Variants in ADAM10 observed in about 807,000 individuals in gnomAD.
The protein encoded by ADAM10 is disintegrin and metalloproteinase domain-containing protein 10.
ADAM10 carries 17 observed loss-of-function variants against 90.1 expected under a neutral mutation model. That is an observed-to-expected ratio of 0.19 (90% CI 0.13 to 0.28). The LOEUF (loss-of-function observed/expected upper bound fraction) is 0.28. Ranked by LOEUF, ADAM10 falls within the 10% of genes least tolerant of loss-of-function variation. The probability of loss-of-function intolerance (pLI) is 1.00; values close to 1 mark genes in which losing one functional copy is unlikely to be tolerated. For missense variants in ADAM10, 610 were observed against 914.3 expected (o/e 0.67, Z 4.29); for synonymous variants, 310 against 298.6 (o/e 1.04, Z -0.40).
chr15:58,632,764 T>C (rs1375404703), intron 9 of ADAM10, among the ~76,000 whole-genome samples: 1 of 152,212 alleles, frequency 6.6e-6, no homozygotes, highest in African/African-American at 2.4e-5. Flanking sequence ...AGAAAAGATT[T>C]TAAAATATCA....
chr15:58,639,380 T>A (rs374681769), intron 8 of ADAM10, among the ~76,000 whole-genome samples: 4 of 152,334 alleles, frequency 2.6e-5, no homozygotes, highest in South Asian at 2.1e-4. Flanking sequence ...TATTAATGGA[T>A]AATATACAAA....
At chr15:58,644,383 C>G (rs1896496190) in intron 6 of ADAM10, among the ~76,000 whole-genome samples, 1 of 152,064 alleles carries the variant, frequency 6.6e-6, no homozygotes. Flanking sequence ...GCGCCTACCA[C>G]CATGCCCAGC....
At position 58,593,267 on chromosome 15, in the gene ADAM10, C is replaced by T. The variant is rs1442548318; in HGVS notation, c.*4280G>A. On this transcript the variant is annotated 3_prime_UTR_variant, in exon 16 of 16. Transcript: ENST00000260408. Reference sequence around the variant, plus strand: ...CAATCGCGGCTCACTGCAGCCTCTGCCTCCTGGGTTCAAGCAAATCTCCTG... The same window carrying T: ...CAATCGCGGCTCACTGCAGCCTCTGTCTCCTGGGTTCAAGCAAATCTCCTG... 7.1e-6 allele frequency: 1 copy of T among 141,612 alleles called. No individual in the cohort carries two copies. Among genetic ancestry groups the T allele is most frequent in the Middle Eastern group, 3.5e-3 (1 of 282 alleles). 8.8% of individuals were successfully genotyped at this position (141,612 alleles called of 1,614,324 possible). A position where few individuals can be genotyped will look rare whatever the true frequency, so the allele number is the denominator to read the frequency against.
chr15:58,607,154 T>C (rs1895301076), intron 14 of ADAM10, among the ~76,000 whole-genome samples: 1 of 152,270 alleles, frequency 6.6e-6, no homozygotes, highest in Admixed American at 6.5e-5. Context: ...GGGCCATAGT[T>C]TGCCAACCCC....
At chr15:58,691,828 G>A (rs942773626) in intron 2 of ADAM10, among the ~76,000 whole-genome samples, 9 of 151,534 alleles carry the variant, frequency 5.9e-5, no homozygotes, top group East Asian at 3.9e-4. Flanking sequence ...GATTACAGGC[G>A]TTGTGCCCAG....
intron 5 of ADAM10, among the ~76,000 whole-genome samples, chr15:58,655,731 A>C: frequency 1.0e-5 from 1 of 95,864 alleles, no homozygotes. Context: ...ATATATATAT[A>C]TATATATATT....
intron 14 of ADAM10, among the ~76,000 whole-genome samples, chr15:58,605,930 T>C (rs1368134988): frequency 4.6e-5 from 7 of 152,036 alleles, no homozygotes; most frequent in Admixed American, 4.6e-4. Flanking sequence ...ACCTATATGG[T>C]AACAAAATGA....
intron 1 of ADAM10, among the ~76,000 whole-genome samples, chr15:58,720,460 G>C (rs1438313033): frequency 2.0e-5 from 3 of 151,044 alleles, no homozygotes; most frequent in Non-Finnish European, 4.4e-5. Context: ...CAGTTCAATG[G>C]CACAATCTCG....
At chr15:58,736,376 A>G (rs1899430013) in intron 1 of ADAM10, among the ~76,000 whole-genome samples, 2 of 152,220 alleles carry the variant, frequency 1.3e-5, no homozygotes, top group Non-Finnish European at 2.9e-5. Context: ...TTACAGTCAC[A>G]TGGTACTTAA....
intron 2 of ADAM10, among the ~76,000 whole-genome samples, chr15:58,687,530 T>C (rs1415627404): frequency 6.6e-6 from 1 of 152,080 alleles, no homozygotes; most frequent in Admixed American, 6.5e-5. Context: ...TTATTTGTGT[T>C]TGTAACAGTC....
intron 2 of ADAM10, among the ~76,000 whole-genome samples, chr15:58,711,747 T>C (rs1898480045): frequency 6.6e-6 from 1 of 152,192 alleles, no homozygotes; most frequent in Non-Finnish European, 1.5e-5. Context: ...TACATATACA[T>C]ACAACCACAA....
chr15:58,721,547 T>C (rs958264397), intron 1 of ADAM10, among the ~76,000 whole-genome samples: 1 of 152,154 alleles, frequency 6.6e-6, no homozygotes, highest in Non-Finnish European at 1.5e-5. Flanking sequence ...GCAGCCTACC[T>C]GCCCCTCTGC....
intron 1 of ADAM10, among the ~76,000 whole-genome samples, chr15:58,739,765 T>A (rs1314234811): frequency 1.3e-5 from 2 of 152,192 alleles, no homozygotes; most frequent in Non-Finnish European, 2.9e-5. Context: ...CTAATTTTAC[T>A]ACAGCAATAT....
chr15:58,642,667 A>C (rs751071892), intron 7 of ADAM10, among the ~76,000 whole-genome samples: 17 of 152,162 alleles, frequency 1.1e-4, no homozygotes, highest in Non-Finnish European at 2.1e-4. Flanking sequence ...TTCATAATAC[A>C]TATCATTTTC....
chr15:58,692,802 G>T (rs766613143), intron 2 of ADAM10: 3 of 632,676 alleles, frequency 4.7e-6, no homozygotes, highest in South Asian at 4.1e-5. Context: ...CAGAATAAAA[G>T]CCAACACCAA....
At chr15:58,644,535 T>C (rs558258363) in intron 6 of ADAM10, among the ~76,000 whole-genome samples, 1 of 152,234 alleles carries the variant, frequency 6.6e-6, no homozygotes, top group African/African-American at 2.4e-5. Flanking sequence ...GGCCTAAACA[T>C]ATACTCTTGT....
At chr15:58,642,158 C>G (rs1404421901) in intron 7 of ADAM10, among the ~76,000 whole-genome samples, 1 of 152,092 alleles carries the variant, frequency 6.6e-6, no homozygotes, top group East Asian at 1.9e-4. Flanking sequence ...TTCTCTAATA[C>G]TGGCTATAAA....
At chr15:58,721,274 T>A (rs1254513475) in intron 1 of ADAM10, among the ~76,000 whole-genome samples, 1 of 152,328 alleles carries the variant, frequency 6.6e-6, no homozygotes, top group East Asian at 1.9e-4. Flanking sequence ...GTAATTGAGA[T>A]AGAACATGAT....
chr15:58,730,002 AC>A (rs67959704), intron 1 of ADAM10, among the ~76,000 whole-genome samples: 24,999 of 142,672 alleles, frequency 0.18, 2,700 homozygotes, highest in East Asian at 0.46. Context: ...AAACAAACAA[AC>A]AAAAAAAAAA....
Sources: allele counts gnomAD v4.1 joint callset (sites outside exome capture counted in the v4.1 genomes callset), GRCh38; gene constraint gnomAD v4.1.1; transcripts MANE v1.5; gene names NCBI Gene and HGNC (gene_info 2026-07-23, HGNC 2026-07-21).